The following NXPH1 variants were observed in gnomAD, a reference collection of about 807,000 sequenced individuals.
NXPH1 encodes neurexophilin 1, also known as neurexophilin-1.
Under a neutral mutation model 23.7 loss-of-function variants are expected in NXPH1, and 5 were observed. The ratio of observed to expected loss-of-function variants is 0.21; its 90% CI spans 0.11 to 0.44. NXPH1 has a LOEUF of 0.44. NXPH1 is among the 20% of genes least tolerant of loss of function. The probability of loss-of-function intolerance (pLI) is 0.99; values close to 1 mark genes in which losing one functional copy is unlikely to be tolerated. For missense variants in NXPH1, 324 were observed against 321.6 expected, an observed-to-expected ratio of 1.01 and a Z score of -0.06; for synonymous variants, 144 against 122.2, an observed-to-expected ratio of 1.18 and a Z score of -1.18.
intron 2 of NXPH1, among the ~76,000 whole-genome samples, chr7:8,439,514 A>T (rs1816255750): frequency 6.6e-6 from 1 of 152,228 alleles, no homozygotes; most frequent in Non-Finnish European, 1.5e-5. Context: ...GTGACTAGTC[A>T]CCCATCCACA....
chr7:8,579,355 T>G (rs1258386340), intron 2 of NXPH1, among the ~76,000 whole-genome samples: 3 of 123,780 alleles, frequency 2.4e-5, no homozygotes, highest in Non-Finnish European at 3.2e-5. Context: ...GGAATTCAAG[T>G]TTTTTTTGTT....
intron 2 of NXPH1, among the ~76,000 whole-genome samples, chr7:8,571,937 T>C (rs1423841214): frequency 1.3e-5 from 2 of 151,634 alleles, no homozygotes; most frequent in Non-Finnish European, 2.9e-5. Flanking sequence ...GATATCTGAA[T>C]TCACTATCTG....
At position 8,655,396 on chromosome 7, in the gene NXPH1, GTCTTTCTCTCTCTCTCTCTCTC is replaced by G. The variant is rs1244346168; in HGVS notation, c.55-95608_55-95587del. On this transcript the variant is annotated intron_variant, in intron 2 of 2. Transcript: ENST00000405863. Reference sequence around the variant, plus strand: ...GGAGTCTGTCTCTGTCTTTGTCTTTGTCTTTCTCTCTCTCTCTCTCTCTCTCTCTCTCTCTCTCTCTCTCTCT... The same window carrying G: ...GGAGTCTGTCTCTGTCTTTGTCTTTGTCTCTCTCTCTCTCTCTCTCTCTCT... 3.7e-3 allele frequency among the ~76,000 whole-genome samples: 510 copies of G among 139,348 alleles called. 8 individuals are homozygous for G. The highest frequency in any genetic ancestry group is 5.6e-3 in the Non-Finnish European group (362 of 64,094). The allele number at this position is 139,348 out of a possible 152,430, so 91.4% of individuals were successfully genotyped here. A position where few individuals can be genotyped will look rare whatever the true frequency, so the allele number is the denominator to read the frequency against.
chr7:8,682,644 C>A (rs1821074664), intron 2 of NXPH1, among the ~76,000 whole-genome samples: 1 of 152,136 alleles, frequency 6.6e-6, no homozygotes, highest in Non-Finnish European at 1.5e-5. Context: ...GAAATATAAT[C>A]TCATGCCTCT....
intron 2 of NXPH1, among the ~76,000 whole-genome samples, chr7:8,702,240 AC>A (rs1779636011): frequency 6.6e-6 from 1 of 152,070 alleles, no homozygotes; most frequent in South Asian, 2.1e-4. Flanking sequence ...ATCACCTCAA[AC>A]TTTTATGCAA....
intron 2 of NXPH1, among the ~76,000 whole-genome samples, chr7:8,463,094 A>T (rs752630634): frequency 4.6e-5 from 7 of 152,160 alleles, no homozygotes; most frequent in Non-Finnish European, 8.8e-5. Flanking sequence ...GACAAATATA[A>T]TTCATAAGTT....
chr7:8,646,879 G>T (rs567684764), intron 2 of NXPH1, among the ~76,000 whole-genome samples: 21 of 150,454 alleles, frequency 1.4e-4, no homozygotes, highest in Non-Finnish European at 2.7e-4. Flanking sequence ...TTTTTTAAAG[G>T]CAATAAACTG....
intron 2 of NXPH1, among the ~76,000 whole-genome samples, chr7:8,646,161 C>T (rs1375250923): frequency 6.6e-6 from 1 of 152,078 alleles, no homozygotes; most frequent in Non-Finnish European, 1.5e-5. Context: ...TGTCTTTCAG[C>T]AAAGATTTTA....
chr7:8,619,996 G>A (rs1045582740), intron 2 of NXPH1, among the ~76,000 whole-genome samples: 4 of 151,950 alleles, frequency 2.6e-5, no homozygotes, highest in African/African-American at 9.7e-5. Flanking sequence ...TGGCTCATGA[G>A]CAGAGTTTTT....
chr7:8,553,851 A>G (rs1434994973), intron 2 of NXPH1, among the ~76,000 whole-genome samples: 1 of 151,718 alleles, frequency 6.6e-6, no homozygotes, highest in Non-Finnish European at 1.5e-5. Context: ...GTTGAGATCT[A>G]TTACTAATTC....
chr7:8,521,018 A>G (rs1226431069), intron 2 of NXPH1, among the ~76,000 whole-genome samples: 1 of 152,150 alleles, frequency 6.6e-6, no homozygotes, highest in Non-Finnish European at 1.5e-5. Context: ...TGGAGCAAAG[A>G]GCTATGGAAG....
intron 2 of NXPH1, among the ~76,000 whole-genome samples, chr7:8,590,383 C>CAT (rs527703964): frequency 1.3e-3 from 202 of 152,182 alleles, no homozygotes; most frequent in African/African-American, 4.5e-3. Flanking sequence ...GTATCTAAGC[C>CAT]ATATAAAACA....
At chr7:8,513,530 C>A (rs145718966) in intron 2 of NXPH1, among the ~76,000 whole-genome samples, 9 of 152,144 alleles carry the variant, frequency 5.9e-5, no homozygotes, top group Non-Finnish European at 1.3e-4. Flanking sequence ...ATGCTACATG[C>A]ATCTATTTCT....
intron 2 of NXPH1, among the ~76,000 whole-genome samples, chr7:8,662,133 G>T (rs1052053207): frequency 4.0e-5 from 6 of 151,270 alleles, no homozygotes; most frequent in Middle Eastern, 3.2e-3. Context: ...TAGTTTAAAT[G>T]ATTATTGCAT....
intron 2 of NXPH1, among the ~76,000 whole-genome samples, chr7:8,507,748 A>T (rs1328231985): frequency 1.3e-5 from 2 of 152,066 alleles, no homozygotes; most frequent in Admixed American, 1.3e-4. Flanking sequence ...ACCCACAAAC[A>T]TTTGTCACCC....
intron 2 of NXPH1, among the ~76,000 whole-genome samples, chr7:8,727,556 T>G (rs939997054): frequency 3.1e-4 from 47 of 152,024 alleles, no homozygotes; most frequent in Non-Finnish European, 5.4e-4. Context: ...TTCTACATAT[T>G]GCTAGCCAGG....
chr7:8,519,015 T>C (rs999917408), intron 2 of NXPH1, among the ~76,000 whole-genome samples: 18 of 152,288 alleles, frequency 1.2e-4, no homozygotes, highest in East Asian at 3.9e-4. Context: ...GTAAAGCATG[T>C]AGCAGAGTGC....
At chr7:8,647,662 G>A (rs867682448) in intron 2 of NXPH1, among the ~76,000 whole-genome samples, 3 of 151,676 alleles carry the variant, frequency 2.0e-5, no homozygotes, top group African/African-American at 4.8e-5. Context: ...AAATGATGTT[G>A]GAATTATGTT....
intron 2 of NXPH1, among the ~76,000 whole-genome samples, chr7:8,714,857 A>T (rs1449727187): frequency 6.6e-6 from 1 of 151,896 alleles, no homozygotes; most frequent in Non-Finnish European, 1.5e-5. Flanking sequence ...CCCTCTCCTA[A>T]AGTAGGAAAG....
Sources: allele counts gnomAD v4.1 joint callset (sites outside exome capture counted in the v4.1 genomes callset), GRCh38; gene constraint gnomAD v4.1.1; transcripts MANE v1.5; gene names NCBI Gene and HGNC (gene_info 2026-07-23, HGNC 2026-07-21).